Variants in AOAH observed in about 807,000 individuals in gnomAD.
AOAH encodes the protein acyloxyacyl hydrolase.
Under a neutral mutation model 92.2 loss-of-function variants are expected in AOAH, and 64 were observed. The ratio of observed to expected loss-of-function variants is 0.69; its 90% CI spans 0.57 to 0.86. The LOEUF is 0.86. Among genes scored for constraint, AOAH ranks in the 40% least tolerant of loss-of-function variants. The pLI is 0.00. For synonymous variants in AOAH, 263 were observed against 254.5 expected, an observed-to-expected ratio of 1.03 and a Z score of -0.32; for missense variants, 656 against 694.6, an observed-to-expected ratio of 0.94 and a Z score of 0.62.
intron 15 of AOAH, among the ~76,000 whole-genome samples, chr7:36,542,423 T>C (rs538488813): frequency 6.6e-6 from 1 of 152,134 alleles, no homozygotes; most frequent in South Asian, 2.1e-4. Context: ...TTAATACAGA[T>C]TGTGAACCAG....
intron 3 of AOAH, among the ~76,000 whole-genome samples, chr7:36,662,327 G>A (rs141066306): frequency 3.3e-5 from 5 of 152,322 alleles, no homozygotes; most frequent in Non-Finnish European, 5.9e-5. Flanking sequence ...GAAATGCAGC[G>A]TTCATCGTGA....
At chr7:36,554,385 A>G (rs893108917) in intron 13 of AOAH, among the ~76,000 whole-genome samples, 7 of 152,218 alleles carry the variant, frequency 4.6e-5, no homozygotes, top group African/African-American at 1.7e-4. Flanking sequence ...TGGTTACTGT[A>G]GCCTTGTAGT....
chr7:36,710,823 T>C (rs956674916), intron 1 of AOAH, among the ~76,000 whole-genome samples: 2 of 152,204 alleles, frequency 1.3e-5, no homozygotes, highest in African/African-American at 4.8e-5. Flanking sequence ...GGAGCACAGT[T>C]TCTATGCATT....
intron 3 of AOAH, among the ~76,000 whole-genome samples, chr7:36,664,821 G>T (rs1425471776): frequency 6.6e-6 from 1 of 152,188 alleles, no homozygotes; most frequent in African/African-American, 2.4e-5. Flanking sequence ...TTTGAGTGAG[G>T]CCTCAGGAAG....
At chr7:36,557,371 C>T (rs528239090) in intron 13 of AOAH, among the ~76,000 whole-genome samples, 1 of 152,246 alleles carries the variant, frequency 6.6e-6, no homozygotes, top group East Asian at 1.9e-4. Flanking sequence ...GTCTGATGTG[C>T]TTCTCTTTGT....
chr7:36,627,554 A>AT (rs1187709965), intron 6 of AOAH, among the ~76,000 whole-genome samples: 4 of 151,296 alleles, frequency 2.6e-5, no homozygotes, highest in Non-Finnish European at 5.9e-5. Context: ...TCAAAAAAAA[A>AT]ACAAAACAAA....
At chr7:36,582,331 C>T (rs548095017) in intron 12 of AOAH, among the ~76,000 whole-genome samples, 1 of 152,276 alleles carries the variant, frequency 6.6e-6, no homozygotes, top group African/African-American at 2.4e-5. Flanking sequence ...TTGCCCAATG[C>T]CTACAGAACT....
chr7:36,574,272 G>T (rs184703241), intron 13 of AOAH, among the ~76,000 whole-genome samples: 1 of 152,214 alleles, frequency 6.6e-6, no homozygotes, highest in East Asian at 1.9e-4. Context: ...CTATTCCCCG[G>T]CATCTATTCA....
chr7:36,542,870 G>A (rs1785501171), intron 15 of AOAH, among the ~76,000 whole-genome samples: 1 of 152,048 alleles, frequency 6.6e-6, no homozygotes, highest in Admixed American at 6.5e-5. Flanking sequence ...GCTTTAGAAT[G>A]GTTAGTCTTA....
chr7:36,659,423 G>GA (rs1370101909), intron 3 of AOAH, among the ~76,000 whole-genome samples, 158 bp from the exon 4 acceptor site: 1 of 152,194 alleles, frequency 6.6e-6, no homozygotes, highest in African/African-American at 2.4e-5. Context: ...CTGCTGGATG[G>GA]TAATGATTTC....
intron 1 of AOAH, among the ~76,000 whole-genome samples, chr7:36,706,695 T>C (rs1798436909): frequency 6.6e-6 from 1 of 152,254 alleles, no homozygotes; most frequent in South Asian, 2.1e-4. Context: ...CCTTCATCAA[T>C]GATCTTAGCT....
At chr7:36,567,657 T>C (rs748409265) in intron 13 of AOAH, among the ~76,000 whole-genome samples, 1 of 152,164 alleles carries the variant, frequency 6.6e-6, no homozygotes, top group Non-Finnish European at 1.5e-5. Flanking sequence ...GGGTAAAACA[T>C]ATGATTAACC....
intron 1 of AOAH, among the ~76,000 whole-genome samples, chr7:36,704,687 C>CA (rs1169040166): frequency 1.3e-5 from 2 of 151,878 alleles, no homozygotes; most frequent in African/African-American, 2.4e-5. Context: ...AGTGACACAA[C>CA]AAAAAAAGAA....
At chr7:36,679,544 TTATACATTATTATATGTATAATATG>T (rs755041215) in intron 2 of AOAH, among the ~76,000 whole-genome samples, 5,274 of 134,744 alleles carry the variant, frequency 0.039, 127 homozygotes, top group Non-Finnish European at 0.055. Context: ...GCAGATATTG[TTATACATTATTATATGTATAATATG>T]TATACATTAT....
intron 3 of AOAH, among the ~76,000 whole-genome samples, chr7:36,669,246 A>G (rs1280786986): frequency 6.6e-6 from 1 of 152,172 alleles, no homozygotes; most frequent in African/African-American, 2.4e-5. Context: ...CAGAACTGGA[A>G]GATCTTCTTC....
chr7:36,697,406 T>C (rs1471620589), intron 1 of AOAH, among the ~76,000 whole-genome samples: 4 of 152,226 alleles, frequency 2.6e-5, no homozygotes, highest in African/African-American at 9.6e-5. Context: ...GGTCATGGTA[T>C]ATTATTCATG....
At position 36,654,726 on chromosome 7, in the gene AOAH, C is replaced by T. The variant is rs549670626; in HGVS notation, c.390+4440G>A. 1.7e-3 allele frequency among the ~76,000 whole-genome samples: 254 copies of T among 152,240 alleles called. 3 individuals are homozygous for T. Among genetic ancestry groups the T allele is most frequent in the African/African-American group, 5.9e-3 (247 of 41,542 alleles). ...AAGCCAGACATAGAGCGTGCAGAGT[C>T]CTGCTTATGAGGAATTAGCTGGCCC... On this transcript the variant is annotated intron_variant, in intron 4 of 20. Transcript: ENST00000617537.
chr7:36,530,759 C>T lies in AOAH; in HGVS notation c.1426-245G>A, dbSNP rs144371731. 38 of 399,702 alleles carry T rather than the reference C, an allele frequency of 9.5e-5. No homozygotes were observed. The East Asian group carries it at 1.6e-3, about 17-fold the overall frequency. The allele number at this position is 399,702 out of a possible 1,614,324, so 24.8% of individuals were successfully genotyped here. On this transcript the variant is annotated intron_variant, in intron 18 of 20. Transcript: ENST00000617537. ...TAAATTAGTGATACTAGTTTTAACA[C>T]CCTTGGGACTGGCAAAGGTAAGATA...
At chr7:36,672,101 G>C (rs1795973965) in intron 3 of AOAH, among the ~76,000 whole-genome samples, 1 of 152,162 alleles carries the variant, frequency 6.6e-6, no homozygotes, top group African/African-American at 2.4e-5. Context: ...TAAGAATAAA[G>C]GGTCCCTGCC....
Sources: allele counts gnomAD v4.1 joint callset (sites outside exome capture counted in the v4.1 genomes callset), GRCh38; gene constraint gnomAD v4.1.1; transcripts MANE v1.5; gene names NCBI Gene and HGNC (gene_info 2026-07-23, HGNC 2026-07-21).